The following PIP5K1A variants were observed in gnomAD, a reference collection of about 807,000 sequenced individuals.
The protein encoded by PIP5K1A is phosphatidylinositol-4-phosphate 5-kinase type 1 alpha, also known as phosphatidylinositol 4-phosphate 5-kinase type-1 alpha.
A neutral mutation model predicts 72.9 loss-of-function variants in PIP5K1A; 46 were observed. The observed-to-expected ratio is 0.63, with a 90% confidence interval of 0.50 to 0.81. PIP5K1A has a LOEUF of 0.81. Ranked by LOEUF, PIP5K1A falls within the 30% of genes least tolerant of loss-of-function variation. The pLI is 0.00. For missense variants in PIP5K1A, 458 were observed against 706.1 expected, an observed-to-expected ratio of 0.65 and a Z score of 3.98; for synonymous variants, 228 against 255.1, an observed-to-expected ratio of 0.89 and a Z score of 1.01.
Position 151,236,647 on chromosome 1 carries a change from A to G in PIP5K1A, c.1029A>G (p.Glu343=), listed in dbSNP as rs1469236506. The G allele has an allele frequency of 6.2e-7, 1 of 1,613,622 alleles. No individual in the cohort carries two copies. Among genetic ancestry groups the G allele is most frequent in the Non-Finnish European group, 8.5e-7 (1 of 1,179,688 alleles). ...DHAQREPLSS[E]TQYSVDTRRP... is the part of the protein sequence containing the mutation. Reference sequence around the variant, plus strand: ...CACAACGAGAGCCCTTAAGCAGTGAAACACAGTACTCAGTTGATACTCGAA... The same window carrying G: ...CACAACGAGAGCCCTTAAGCAGTGAGACACAGTACTCAGTTGATACTCGAA... The change falls in exon 9 of 16, where the codon GAA becomes GAG. Residue 343 remains glutamate (E), a synonymous_variant. Transcript: ENST00000368888.
At position 151,216,033 on chromosome 1, in the gene PIP5K1A, A is replaced by G. The variant is rs767747797; in HGVS notation, c.86-8212A>G. The G allele has an allele frequency of 4.3e-6, 5 of 1,166,098 alleles. No homozygotes were observed. The South Asian group carries it at 6.4e-5, about 15-fold the overall frequency. 72.2% of individuals were successfully genotyped at this position (1,166,098 alleles called of 1,614,324 possible). On this transcript the variant is annotated intron_variant, in intron 1 of 15. Transcript: ENST00000368888. ...TGATGTGTATCTGTGCTAAAGAAGC[A>G]TGAGCTCCTTACAGTAACTAGCAGC...
At chr1:151,224,502 C>T (rs1392833072) in intron 3 of PIP5K1A, 96 bp downstream of exon 3, 8 of 876,680 alleles carry the variant, frequency 9.1e-6, no homozygotes, top group Middle Eastern at 3.4e-4. Context: ...GTACCAAATG[C>T]AATATATACC....
chr1:151,248,758 T>G lies in PIP5K1A; in HGVS notation c.*893T>G, dbSNP rs979663031. 1.3e-5 allele frequency: 2 copies of G among 152,662 alleles called. No individual in the cohort carries two copies. The highest frequency in any genetic ancestry group is 2.4e-5 in the African/African-American group (1 of 41,456). The allele number at this position is 152,662 out of a possible 1,614,324, so 9.5% of individuals were successfully genotyped here. A position where few individuals can be genotyped will look rare whatever the true frequency, so the allele number is the denominator to read the frequency against. The stretch of plus-strand genomic sequence containing the variant: ...TTTGCAATTTGAAATATATTCTGGT[T>G]GTTTTTCTAAATGTGAAGACTTACC... On this transcript the variant is annotated 3_prime_UTR_variant, in exon 16 of 16. Coordinates refer to ENST00000368888, the MANE Select transcript of PIP5K1A (RefSeq NM_001135638.2).
At chr1:151,241,227 C>G (rs187107152) in intron 12 of PIP5K1A, among the ~76,000 whole-genome samples, 1 of 151,954 alleles carries the variant, frequency 6.6e-6, no homozygotes, top group Non-Finnish European at 1.5e-5. Context: ...GGGGGCCAAG[C>G]GCAGTGTCTC....
chr1:151,227,097 A>G (rs587761451), intron 3 of PIP5K1A, among the ~76,000 whole-genome samples: 3 of 152,336 alleles, frequency 2.0e-5, no homozygotes, highest in African/African-American at 7.2e-5. Flanking sequence ...AAGGGAAAAT[A>G]TGTGTCCCTT....
intron 1 of PIP5K1A, among the ~76,000 whole-genome samples, chr1:151,210,954 G>T (rs1686716985): frequency 6.6e-6 from 1 of 152,142 alleles, no homozygotes; most frequent in African/African-American, 2.4e-5. Flanking sequence ...GTTTCCCTAT[G>T]ACCTGTTTGG....
rs1476215546 is a variant in PIP5K1A at position 151,227,372 on chromosome 1, A to C, written c.209A>C (p.Asp70Ala). 1.2e-6 allele frequency: 2 copies of C among 1,612,614 alleles called. No individual in the cohort carries two copies. Among genetic ancestry groups the C allele is most frequent in the South Asian group, 2.2e-5 (2 of 91,042 alleles). The change falls in exon 4 of 16, where the codon GAT becomes GCT. Residue 70 changes from aspartate to alanine, a missense_variant. Around this residue, in one of 3 missense-constraint regions of PIP5K1A, gnomAD observed 81 missense variants for 88.0 expected, o/e 0.92. Transcript: ENST00000368888. ...AAGAAAATAGGCCATAGAAGTGTTG[A>C]TTCCTCAGGAGAGACAACATATAAA... ...PIKKIGHRSV[D>A]SSGETTYKKT...
intron 8 of PIP5K1A, 42 bp from the exon 9 acceptor site, chr1:151,236,516 A>G: frequency 7.1e-7 from 1 of 1,411,718 alleles, no homozygotes; most frequent in African/African-American, 1.4e-5. Context: ...AAATATTTTT[A>G]TTTCTTCCAA....
At chr1:151,247,121 T>C (rs977288210) in intron 15 of PIP5K1A, among the ~76,000 whole-genome samples, 156 bp downstream of exon 15, 2 of 151,682 alleles carry the variant, frequency 1.3e-5, no homozygotes, top group Non-Finnish European at 2.9e-5. Context: ...TTTGTACTTA[T>C]TTATTTATTT....
chr1:151,229,094 G>GGAGGCGAAGGTTGCAGT (rs1553297993), intron 4 of PIP5K1A, among the ~76,000 whole-genome samples: 2 of 148,796 alleles, frequency 1.3e-5, no homozygotes, highest in African/African-American at 5.0e-5. Flanking sequence ...CTTGAACCTG[G>GGAGGCGAAGGTTGCAGT]GAGGCGAAGG....
At chr1:151,227,543 A>G (rs930889242) in intron 4 of PIP5K1A, 143 bp downstream of exon 4, 1 of 485,380 alleles carries the variant, frequency 2.1e-6, no homozygotes, top group Non-Finnish European at 3.6e-6. Flanking sequence ...CTTAGACTTT[A>G]GATTTATTTC....
intron 1 of PIP5K1A, among the ~76,000 whole-genome samples, chr1:151,208,857 C>A (rs1245794432): frequency 1.3e-5 from 2 of 150,074 alleles, no homozygotes; most frequent in African/African-American, 2.5e-5. Flanking sequence ...CTCAGCCTCC[C>A]GAGTAGCTGG....
chr1:151,196,593 T>G (rs1684568541), upstream of PIP5K1A, among the ~76,000 whole-genome samples: 1 of 149,778 alleles, frequency 6.7e-6, no homozygotes, highest in South Asian at 2.1e-4. Flanking sequence ...TCGCTCTTGT[T>G]GCCCAGGCTG....
rs765269851 is a variant in PIP5K1A, at chr1:151,242,408, T to C, written c.1511-30T>C. 3.7e-6 allele frequency: 6 copies of C among 1,613,544 alleles called. No homozygotes were observed. In the South Asian group the frequency reaches 6.6e-5, roughly 18 times the overall value. ...GCTACATATTTTTCCTTGTATTTAC[T>C]GTACCCCATCTTCTCTATCTTTTTT... is the stretch of plus-strand genomic sequence containing the variant. On this transcript the variant is annotated intron_variant, in intron 13 of 15. Transcript: ENST00000368888.
chr1:151,212,028 C>T (rs897351119), intron 1 of PIP5K1A, among the ~76,000 whole-genome samples: 6 of 151,590 alleles, frequency 4.0e-5, no homozygotes, highest in East Asian at 1.9e-4. Flanking sequence ...AGGAGAATGG[C>T]GTGAATCCGC....
chr1:151,227,076 T>C lies in PIP5K1A; in HGVS notation c.157-244T>C, dbSNP rs77618550. ...TCACTTTTATTTTCTGTGTCTTCTT[T>C]CTGAGGACCAAAGGGAAAATATGTG... On this transcript the variant is annotated intron_variant, in intron 3 of 15. Coordinates refer to ENST00000368888, the MANE Select transcript of PIP5K1A (RefSeq NM_001135638.2). 6.3e-3 allele frequency among the ~76,000 whole-genome samples: 956 copies of C among 152,338 alleles called. 6 individuals carry two copies. Among genetic ancestry groups the C allele is most frequent in the Non-Finnish European group, 0.011 (751 of 68,038 alleles).
chr1:151,223,420 C>T (rs1056825946), intron 1 of PIP5K1A, among the ~76,000 whole-genome samples: 26 of 148,992 alleles, frequency 1.7e-4, no homozygotes, highest in Admixed American at 4.0e-4. Flanking sequence ...CCGAGGCAGG[C>T]GGATCATGAG....
At chr1:151,240,938 G>T (rs183401821) in intron 12 of PIP5K1A, among the ~76,000 whole-genome samples, 1 of 152,300 alleles carries the variant, frequency 6.6e-6, no homozygotes, top group Non-Finnish European at 1.5e-5. Flanking sequence ...GCCAAAGCAG[G>T]TGGATCACCT....
At chr1:151,198,072 G>C, upstream of PIP5K1A, 1 of 470,944 alleles carries the variant, frequency 2.1e-6, no homozygotes, top group Non-Finnish European at 4.4e-6. Context: ...CTTTGTGCTT[G>C]AGGCAAACAA....
Sources: allele counts gnomAD v4.1 joint callset (sites outside exome capture counted in the v4.1 genomes callset), GRCh38; gene constraint gnomAD v4.1.1; regional missense constraint gnomAD v4.1.1; transcripts MANE v1.5; gene names NCBI Gene and HGNC (gene_info 2026-07-23, HGNC 2026-07-21).